Variants in ANKS1A observed in about 807,000 individuals in gnomAD.
ANKS1A encodes the protein ankyrin repeat and SAM domain-containing protein 1A.
ANKS1A carries 55 observed loss-of-function variants against 120.3 expected under a neutral mutation model. That is an observed-to-expected ratio of 0.46 (90% CI 0.37 to 0.57). The LOEUF is 0.57. ANKS1A is among the 20% of genes least tolerant of loss of function. The pLI is 0.00. For synonymous variants in ANKS1A, 590 were observed against 604.7 expected (o/e 0.98, Z 0.36); for missense variants, 1,123 against 1,480.3 (o/e 0.76, Z 3.96).
chr6:34,951,577 G>A (rs1770094077), intron 1 of ANKS1A, among the ~76,000 whole-genome samples: 1 of 152,158 alleles, frequency 6.6e-6, no homozygotes, highest in South Asian at 2.1e-4. Context: ...GGAAATATAT[G>A]TGGTGTATAT....
chr6:35,004,882 G>A (rs1222166016), intron 10 of ANKS1A, among the ~76,000 whole-genome samples: 1 of 152,218 alleles, frequency 6.6e-6, no homozygotes, highest in Admixed American at 6.5e-5. Context: ...ATACAAAAGT[G>A]ACTATGTGAA....
At chr6:34,904,884 C>T (rs1767564693) in intron 1 of ANKS1A, among the ~76,000 whole-genome samples, 1 of 152,166 alleles carries the variant, frequency 6.6e-6, no homozygotes, top group African/African-American at 2.4e-5. Context: ...GAGCTCGGCT[C>T]ACTGCAACCT....
Position 35,088,345 on chromosome 6 carries a change from C to T in ANKS1A, c.3402-261C>T, listed in dbSNP as rs527715571. On this transcript the variant is annotated intron_variant, in intron 23 of 23. Coordinates refer to ENST00000360359, the MANE Select transcript of ANKS1A (RefSeq NM_015245.3). ...AGCAGAGTCCACTAGGAAAGCCAGTCGGCCAGGGCAGTCAAAACCCAAGTC... is the reference window on the plus strand; with the variant it reads ...AGCAGAGTCCACTAGGAAAGCCAGTTGGCCAGGGCAGTCAAAACCCAAGTC... Among the ~76,000 whole-genome samples, 199 of 152,288 alleles carry T rather than the reference C, an allele frequency of 1.3e-3. 1 individual carries two copies. The highest frequency in any genetic ancestry group is 4.5e-3 in the African/African-American group (186 of 41,550).
intron 3 of ANKS1A, among the ~76,000 whole-genome samples, chr6:34,979,225 T>A (rs185699367): frequency 1.2e-3 from 177 of 152,246 alleles, no homozygotes; most frequent in African/African-American, 4.1e-3. Context: ...TCCCATGTAA[T>A]TCCAAAATGA....
At chr6:34,898,725 C>CT (rs909043737) in intron 1 of ANKS1A, among the ~76,000 whole-genome samples, 68 of 148,752 alleles carry the variant, frequency 4.6e-4, no homozygotes, top group Non-Finnish European at 6.1e-4. Flanking sequence ...TCTGTGCAAA[C>CT]TTTTTTTTTT....
rs1196304704 is a variant in ANKS1A, at chr6:35,078,650, A to G, written c.2277A>G (p.Leu759=). ...AGCTGCTCCAGGCGGCACGCTCCCT[A>G]CCCAAGGTGACCATCGCCGGCCCTG... ...RRKLLQAARS[L]PKVKALGYDG... is the part of the protein sequence containing the mutation. Residue 759 remains leucine, a synonymous_variant, in exon 14 of 24, where the codon CTA becomes CTG. Coordinates refer to ENST00000360359, the MANE Select transcript of ANKS1A (RefSeq NM_015245.3). 3.1e-6 allele frequency: 5 copies of G among 1,601,356 alleles called. No individual in the cohort carries two copies. The highest frequency in any genetic ancestry group is 1.3e-5 in the African/African-American group (1 of 74,878).
rs752776147 is a variant in ANKS1A at position 35,082,721 on chromosome 6, C to T, written c.2740C>T (p.Arg914Trp). Residue 914 changes from arginine (R) to tryptophan (W), a missense_variant, in exon 18 of 24, where the codon CGG (arginine) becomes TGG (tryptophan). By Grantham distance (101) the Arg-to-Trp change is moderately radical (BLOSUM62 -3). Transcript: ENST00000360359. The surrounding 1 kb of genome is among the most constrained non-coding windows in gnomAD (Gnocchi z 4.1). ...EEHREAKLTLRPPSLAAPYAP... is the reference protein window; with the variant it reads ...EEHREAKLTLWPPSLAAPYAP... ...GCACCGTGAGGCCAAGCTGACCCTG[C>T]GGCCCCCGAGCCTGGCAGCCCCCTA... The T allele has an allele frequency of 8.1e-6, 13 of 1,611,956 alleles. No homozygotes were observed. Among genetic ancestry groups the T allele is most frequent in the African/African-American group, 4.0e-5 (3 of 74,770 alleles).
intron 11 of ANKS1A, among the ~76,000 whole-genome samples, chr6:35,018,282 C>A (rs1774150711): frequency 6.6e-6 from 1 of 152,194 alleles, no homozygotes; most frequent in African/African-American, 2.4e-5. Flanking sequence ...AGGGTGGAGG[C>A]CCCAGCAGAG....
Position 35,091,382 on chromosome 6 carries a change from A to C in ANKS1A, c.*2773A>C. ...ACACAACTTAGAACAGACTGAATTA[A>C]TAAATGAGAAGCGACATGAACGCAG... is the stretch of plus-strand genomic sequence containing the variant. On this transcript the variant is annotated 3_prime_UTR_variant, in exon 24 of 24. Coordinates refer to ENST00000360359, the MANE Select transcript of ANKS1A (RefSeq NM_015245.3). The C allele has an allele frequency of 1.0e-6, 1 of 985,512 alleles. No individual in the cohort carries two copies. Among genetic ancestry groups the C allele is most frequent in the Non-Finnish European group, 1.2e-6 (1 of 829,936 alleles). The allele number at this position is 985,512 out of a possible 1,614,324, so 61.0% of individuals were successfully genotyped here.
intron 1 of ANKS1A, among the ~76,000 whole-genome samples, chr6:34,897,275 G>C (rs1767137006): frequency 6.6e-6 from 1 of 152,066 alleles, no homozygotes; most frequent in South Asian, 2.1e-4. Context: ...CATGTTCACG[G>C]GTCATAGGAG....
At chr6:35,063,752 A>G (rs1776631101) in intron 13 of ANKS1A, among the ~76,000 whole-genome samples, 1 of 152,204 alleles carries the variant, frequency 6.6e-6, no homozygotes, top group African/African-American at 2.4e-5. Flanking sequence ...CAAATAACGT[A>G]GGTGTCTTAA....
intron 1 of ANKS1A, among the ~76,000 whole-genome samples, chr6:34,900,479 T>TG (rs1032149612): frequency 2.0e-5 from 3 of 152,034 alleles, no homozygotes; most frequent in African/African-American, 4.8e-5. Flanking sequence ...AAAATAGAGA[T>TG]GGGGTCTCAC....
chr6:35,088,670 C>A lies in ANKS1A; in HGVS notation c.*61C>A. ...GACGTGGGGGCATAGGCTCCCACTG[C>A]CACCACCGCCATCGCCTCACCTGCA... On this transcript the variant is annotated 3_prime_UTR_variant, in exon 24 of 24. Transcript: ENST00000360359. 1 of 1,613,204 alleles carries A rather than the reference C, an allele frequency of 6.2e-7. No homozygotes were observed. The highest frequency in any genetic ancestry group is 8.5e-7 in the Non-Finnish European group (1 of 1,179,556).
Position 34,942,471 on chromosome 6 carries a change from A to C in ANKS1A, c.198-24768A>C, listed in dbSNP as rs144831268. On this transcript the variant is annotated intron_variant, in intron 1 of 23. Coordinates refer to ENST00000360359, the MANE Select transcript of ANKS1A (RefSeq NM_015245.3). ...TCCAGTGTTTACGTTTCATACTCCA[A>C]ATCTGAAGAGTGAGTGAGGTGGTGG... is the stretch of plus-strand genomic sequence containing the variant. Among the ~76,000 whole-genome samples the C allele has an allele frequency of 7.9e-5, 12 of 152,326 alleles. No individual in the cohort carries two copies. The East Asian group carries it at 1.7e-3, about 22-fold the overall frequency.
Position 35,089,416 on chromosome 6 carries a change from TG to T in ANKS1A, c.*809del. 5 of 986,814 alleles carry T rather than the reference TG, an allele frequency of 5.1e-6. No homozygotes were observed. Among genetic ancestry groups the T allele is most frequent in the Non-Finnish European group, 6.0e-6 (5 of 830,660 alleles). 61.1% of individuals were successfully genotyped at this position (986,814 alleles called of 1,614,324 possible). A position where few individuals can be genotyped will look rare whatever the true frequency, so the allele number is the denominator to read the frequency against. ...CAGTGATCGGAGCACTGCCCTGGGC[TG>T]GCCGGCGCCGTACTGCCTGCGTTGT... On this transcript the variant is annotated 3_prime_UTR_variant, in exon 24 of 24. Coordinates refer to ENST00000360359, the MANE Select transcript of ANKS1A (RefSeq NM_015245.3).
chr6:35,021,257 G>A (rs1342274400), intron 11 of ANKS1A, among the ~76,000 whole-genome samples: 5 of 152,108 alleles, frequency 3.3e-5, no homozygotes, highest in African/African-American at 7.2e-5. Context: ...TTGGACCCCC[G>A]GGAGGTGGGG....
intron 1 of ANKS1A, among the ~76,000 whole-genome samples, chr6:34,945,619 T>C (rs1769751954): frequency 6.6e-6 from 1 of 152,346 alleles, no homozygotes; most frequent in Admixed American, 6.5e-5. Context: ...TCTTCATCAC[T>C]ATAGCTTTAT....
intron 1 of ANKS1A, among the ~76,000 whole-genome samples, chr6:34,902,401 A>G (rs974296153): frequency 1.3e-5 from 2 of 151,958 alleles, no homozygotes; most frequent in African/African-American, 2.4e-5. Flanking sequence ...GGCATGCGCC[A>G]CCATGCCCAG....
chr6:34,939,261 G>T (rs1769411998), intron 1 of ANKS1A, among the ~76,000 whole-genome samples: 1 of 152,068 alleles, frequency 6.6e-6, no homozygotes, highest in Non-Finnish European at 1.5e-5. Context: ...GGTTGGAGCA[G>T]ATCAGAATGC....
Sources: gnomAD v4.1 joint callset for allele counts (sites outside exome capture counted in the v4.1 genomes callset) on GRCh38, gnomAD v4.1.1 for gene constraint, Gnocchi (gnomAD v3.1) non-coding constraint, MANE v1.5 for transcripts, NCBI Gene and HGNC (gene_info 2026-07-23, HGNC 2026-07-21) for gene names.